Variants in HS6ST3 observed in about 807,000 individuals in gnomAD.
The protein encoded by HS6ST3 is heparan-sulfate 6-O-sulfotransferase 3.
A neutral mutation model predicts 36.7 loss-of-function variants in HS6ST3; 12 were observed. The ratio of observed to expected loss-of-function variants is 0.33; its 90% CI spans 0.21 to 0.53. The LOEUF (loss-of-function observed/expected upper bound fraction) is 0.53. Ranked by LOEUF, HS6ST3 falls within the 20% of genes least tolerant of loss-of-function variation. HS6ST3 has a pLI of 0.95. For synonymous variants in HS6ST3, 240 were observed against 257.5 expected (o/e 0.93, Z 0.65); for missense variants, 584 against 640.9 (o/e 0.91, Z 0.96).
chr13:96,367,565 T>C (rs2139438868), intron 1 of HS6ST3, among the ~76,000 whole-genome samples: 1 of 152,354 alleles, frequency 6.6e-6, no homozygotes, highest in Middle Eastern at 3.4e-3. Context: ...CAGTTTTTAT[T>C]GGCTCTTTCT....
intron 1 of HS6ST3, among the ~76,000 whole-genome samples, chr13:96,139,947 A>G (rs2054022558): frequency 6.6e-6 from 1 of 152,162 alleles, no homozygotes; most frequent in Non-Finnish European, 1.5e-5. Flanking sequence ...GTCTAATTAT[A>G]TGCAGATTGT....
intron 1 of HS6ST3, among the ~76,000 whole-genome samples, chr13:96,536,699 T>A (rs1169573933): frequency 2.0e-5 from 3 of 152,200 alleles, no homozygotes; most frequent in African/African-American, 7.2e-5. Flanking sequence ...CTTGCCACCC[T>A]CTACCATTTT....
At chr13:96,165,871 C>T (rs966088951) in intron 1 of HS6ST3, among the ~76,000 whole-genome samples, 8 of 151,842 alleles carry the variant, frequency 5.3e-5, no homozygotes, top group Non-Finnish European at 8.8e-5. Context: ...TGGCAGGGTA[C>T]GGTGTTTTGG....
chr13:96,817,175 G>A (rs1225183008), intron 1 of HS6ST3, among the ~76,000 whole-genome samples: 1 of 152,136 alleles, frequency 6.6e-6, no homozygotes, highest in Admixed American at 6.5e-5. Flanking sequence ...ATGGCTGTTT[G>A]GGGGGTGCAC....
chr13:96,639,837 A>G (rs1188985246), intron 1 of HS6ST3, among the ~76,000 whole-genome samples: 1 of 151,930 alleles, frequency 6.6e-6, no homozygotes, highest in African/African-American at 2.4e-5. Flanking sequence ...GTGAATTTGC[A>G]TAGGATAACG....
At chr13:96,129,539 GA>G (rs1291822281) in intron 1 of HS6ST3, among the ~76,000 whole-genome samples, 2 of 152,184 alleles carry the variant, frequency 1.3e-5, no homozygotes, top group Admixed American at 6.5e-5. Flanking sequence ...ATGAAACCAA[GA>G]ATGATTGGGA....
chr13:96,618,605 C>T (rs562538181), intron 1 of HS6ST3, among the ~76,000 whole-genome samples: 17 of 152,234 alleles, frequency 1.1e-4, no homozygotes, highest in South Asian at 1.0e-3. Context: ...TCTTAACTTA[C>T]GGAGGGCTCT....
intron 1 of HS6ST3, among the ~76,000 whole-genome samples, chr13:96,098,790 G>A (rs556063964): frequency 8.5e-5 from 13 of 152,316 alleles, no homozygotes; most frequent in East Asian, 5.8e-4. Context: ...TTCCTTCTCT[G>A]GAAAATGTCG....
Position 96,700,210 on chromosome 13 carries a change from CA to C in HS6ST3, c.708-132278del, listed in dbSNP as rs199667962. ...GTTCCATGTAGCTGGGGAGGCCCCA[CA>C]ATCATGGCGGAAGGCAAAAGGCAAA... is the stretch of plus-strand genomic sequence containing the variant. On this transcript the variant is annotated intron_variant, in intron 1 of 1. Transcript: ENST00000376705. 8.0e-4 allele frequency among the ~76,000 whole-genome samples: 122 copies of C among 152,270 alleles called. No individual in the cohort carries two copies. In the East Asian group the frequency reaches 0.023, roughly 28 times the overall value.
At chr13:96,705,229 A>G (rs1875387958) in intron 1 of HS6ST3, among the ~76,000 whole-genome samples, 1 of 152,162 alleles carries the variant, frequency 6.6e-6, no homozygotes. Flanking sequence ...CCATTATTGT[A>G]TCATCCATCA....
At chr13:96,761,979 T>A (rs546613248) in intron 1 of HS6ST3, among the ~76,000 whole-genome samples, 1 of 152,232 alleles carries the variant, frequency 6.6e-6, no homozygotes, top group East Asian at 1.9e-4. Context: ...TATTATGGTA[T>A]ATACACACAT....
intron 1 of HS6ST3, among the ~76,000 whole-genome samples, chr13:96,517,982 G>A (rs1188864742): frequency 6.6e-6 from 1 of 152,108 alleles, no homozygotes; most frequent in African/African-American, 2.4e-5. Flanking sequence ...TGACAGACTG[G>A]ATAAAGAAAA....
chr13:96,539,480 C>A (rs556829384), intron 1 of HS6ST3, among the ~76,000 whole-genome samples: 81 of 152,194 alleles, frequency 5.3e-4, no homozygotes, highest in African/African-American at 1.9e-3. Context: ...TTCAGCCTCC[C>A]AAGTAGCTGG....
chr13:96,768,562 G>A (rs1877179212), intron 1 of HS6ST3, among the ~76,000 whole-genome samples: 1 of 152,044 alleles, frequency 6.6e-6, no homozygotes, highest in African/African-American at 2.4e-5. Flanking sequence ...GCTCTAACTG[G>A]AGTGTGATTA....
chr13:96,240,407 T>C (rs2054554362), intron 1 of HS6ST3, among the ~76,000 whole-genome samples: 1 of 152,214 alleles, frequency 6.6e-6, no homozygotes, highest in Non-Finnish European at 1.5e-5. Flanking sequence ...ACTCTATTGC[T>C]AAGAATGGTG....
chr13:96,165,702 A>C (rs1162256134), intron 1 of HS6ST3, among the ~76,000 whole-genome samples: 1 of 152,176 alleles, frequency 6.6e-6, no homozygotes, highest in Non-Finnish European at 1.5e-5. Flanking sequence ...AGCAAACTAC[A>C]GGCTAGGTCC....
intron 1 of HS6ST3, among the ~76,000 whole-genome samples, chr13:96,346,320 A>G (rs1475058437): frequency 6.6e-6 from 1 of 152,220 alleles, no homozygotes; most frequent in Non-Finnish European, 1.5e-5. Context: ...CATGCCTGTA[A>G]TCCCAGCACT....
chr13:96,279,856 C>A (rs558457444), intron 1 of HS6ST3, among the ~76,000 whole-genome samples: 2 of 152,268 alleles, frequency 1.3e-5, no homozygotes, highest in African/African-American at 4.8e-5. Context: ...TCAGAGGTTT[C>A]TTCTCAGTGT....
intron 1 of HS6ST3, among the ~76,000 whole-genome samples, chr13:96,606,393 TA>T (rs940987547): frequency 1.3e-5 from 2 of 151,832 alleles, no homozygotes; most frequent in African/African-American, 2.4e-5. Context: ...ATGCAGCCAT[TA>T]AAAAAGAATG....
Sources: gnomAD v4.1 joint callset for allele counts (sites outside exome capture counted in the v4.1 genomes callset) on GRCh38, gnomAD v4.1.1 for gene constraint, MANE v1.5 for transcripts, NCBI Gene and HGNC (gene_info 2026-07-23, HGNC 2026-07-21) for gene names.